Variants in RPL24 observed in about 807,000 individuals in gnomAD.
RPL24 encodes ribosomal protein L24.
A neutral mutation model predicts 26.4 loss-of-function variants in RPL24; 7 were observed. That is an observed-to-expected ratio of 0.27 (90% CI 0.15 to 0.50). The LOEUF (loss-of-function observed/expected upper bound fraction) is 0.50. RPL24 is among the 20% of genes least tolerant of loss of function. The pLI is 0.98. For synonymous variants in RPL24, 67 were observed against 65.2 expected, an observed-to-expected ratio of 1.03 and a Z score of -0.13; for missense variants, 109 against 194.9, an observed-to-expected ratio of 0.56 and a Z score of 2.62.
At chr3:101,682,687 C>G in intron 4 of RPL24, 84 bp downstream of exon 4, 2 of 1,350,330 alleles carry the variant, frequency 1.5e-6, no homozygotes, top group Non-Finnish European at 2.1e-6. Flanking sequence ...ATATATTAAT[C>G]TATATGGTAA....
intron 5 of RPL24, chr3:101,681,443 C>T: frequency 1.9e-6 from 1 of 537,916 alleles, no homozygotes; most frequent in Admixed American, 3.3e-5. Context: ...GAGACACAAC[C>T]AAGTGCAGTG....
chr3:101,685,208 G>C (rs1248776711), intron 3 of RPL24, among the ~76,000 whole-genome samples: 1 of 151,840 alleles, frequency 6.6e-6, no homozygotes, highest in African/African-American at 2.4e-5. Context: ...ACCCTAATAG[G>C]TGTGTCATAT....
chr3:101,681,253 T>G (rs746020976), intron 5 of RPL24, 38 bp from the exon 6 acceptor site: 3 of 1,431,582 alleles, frequency 2.1e-6, no homozygotes, highest in Admixed American at 3.4e-5. Context: ...CACAAAACTT[T>G]TGTTACCCTA....
chr3:101,683,646 CATTT>C (rs1191025651), intron 3 of RPL24, among the ~76,000 whole-genome samples: 1 of 151,234 alleles, frequency 6.6e-6, no homozygotes, highest in Non-Finnish European at 1.5e-5. Flanking sequence ...AACACTTAAA[CATTT>C]TTTTTATTGT....
chr3:101,686,397 G>T, intron 2 of RPL24, 85 bp downstream of exon 2: 1 of 1,173,618 alleles, frequency 8.5e-7, no homozygotes, highest in Non-Finnish European at 1.2e-6. Flanking sequence ...TGGTGATGTG[G>T]GGAATAAACC....
chr3:101,681,402 G>C (rs1196031476), intron 5 of RPL24, 187 bp from the exon 6 acceptor site: 2 of 589,248 alleles, frequency 3.4e-6, no homozygotes, highest in Non-Finnish European at 6.2e-6. Context: ...GAAAGACAAA[G>C]ACTAAGATAC....
At chr3:101,683,077 C>T (rs1937282632) in intron 3 of RPL24, among the ~76,000 whole-genome samples, 170 bp from the exon 4 acceptor site, 1 of 152,104 alleles carries the variant, frequency 6.6e-6, no homozygotes, top group African/African-American at 2.4e-5. Context: ...GGATTAAGCC[C>T]TCTATTACAA....
chr3:101,685,784 G>A lies in RPL24; in HGVS notation c.192+34C>T, dbSNP rs370149260. 6 of 1,236,618 alleles carry A rather than the reference G, an allele frequency of 4.9e-6. No homozygotes were observed. The African/African-American group carries it at 9.0e-5, about 19-fold the overall frequency. The allele number at this position is 1,236,618 out of a possible 1,614,324, so 76.6% of individuals were successfully genotyped here. A position where few individuals can be genotyped will look rare whatever the true frequency, so the allele number is the denominator to read the frequency against. On this transcript the variant is annotated intron_variant, in intron 3 of 5. Coordinates refer to ENST00000394077, the MANE Select transcript of RPL24 (RefSeq NM_000986.4). ...TTCAGAGAGCTTTGACAACTTAAGA[G>A]ATAGCCCCCAACATCAAGGCGTATT...
intron 3 of RPL24, among the ~76,000 whole-genome samples, chr3:101,685,158 C>T (rs1398373017): frequency 6.6e-6 from 1 of 152,070 alleles, no homozygotes; most frequent in African/African-American, 2.4e-5. Flanking sequence ...CCATCCTCAC[C>T]AACACCTGTA....
intron 3 of RPL24, among the ~76,000 whole-genome samples, chr3:101,685,080 G>A (rs1400894689): frequency 6.6e-6 from 1 of 151,750 alleles, no homozygotes; most frequent in Non-Finnish European, 1.5e-5. Context: ...TTACCCTTTT[G>A]AGAAAACACC....
At chr3:101,682,594 C>CG (rs778444151) in intron 4 of RPL24, 102 bp from the exon 5 acceptor site, 6 of 1,138,416 alleles carry the variant, frequency 5.3e-6, no homozygotes, top group East Asian at 4.7e-5. Context: ...GACCATATTC[C>CG]TTCCTTCCCT....
chr3:101,684,119 A>G (rs1475540475), intron 3 of RPL24, among the ~76,000 whole-genome samples: 1 of 151,624 alleles, frequency 6.6e-6, no homozygotes, highest in African/African-American at 2.4e-5. Context: ...TGGGCCTCCC[A>G]AAGTGCTGGA....
At chr3:101,684,790 A>ACC (rs1559993233) in intron 3 of RPL24, among the ~76,000 whole-genome samples, 17 of 141,962 alleles carry the variant, frequency 1.2e-4, no homozygotes, top group East Asian at 4.1e-4. Flanking sequence ...AAAAAAAAAA[A>ACC]AAAAAAAAAA....
chr3:101,682,396 T>C, intron 5 of RPL24, 33 bp downstream of exon 5: 6 of 1,564,940 alleles, frequency 3.8e-6, no homozygotes, highest in Non-Finnish European at 5.3e-6. Flanking sequence ...TCCTGTTGTA[T>C]TGTTCAAGAA....
Position 101,681,112 on chromosome 3 carries a change from A to G in RPL24, c.*23T>C. 13 of 1,545,166 alleles carry G rather than the reference A, an allele frequency of 8.4e-6. No individual in the cohort carries two copies. Among genetic ancestry groups the G allele is most frequent in the Non-Finnish European group, 1.2e-5 (13 of 1,119,554 alleles). On this transcript the variant is annotated 3_prime_UTR_variant, in exon 6 of 6. Transcript: ENST00000394077. ...AACCTAGAGTTATAATCCAATCTTT[A>G]TTTAAAAATCTAATCTGCCAGTTTA... is the stretch of plus-strand genomic sequence containing the variant.
chr3:101,681,283 T>C, intron 5 of RPL24, 68 bp from the exon 6 acceptor site: 1 of 1,055,158 alleles, frequency 9.5e-7, no homozygotes, highest in Non-Finnish European at 1.5e-6. Flanking sequence ...ATCTCTCACA[T>C]CCAGATTGTT....
intron 3 of RPL24, among the ~76,000 whole-genome samples, chr3:101,684,525 T>C (rs1226852322): frequency 6.6e-6 from 1 of 152,074 alleles, no homozygotes; most frequent in Non-Finnish European, 1.5e-5. Context: ...GCGCCTGTAA[T>C]GCCAGTACTT....
rs11558561 is a variant in RPL24, at chr3:101,685,927, A to G, written c.83T>C (p.Val28Ala). 13 of 1,593,620 alleles carry G rather than the reference A, an allele frequency of 8.2e-6. No individual in the cohort carries two copies. Among genetic ancestry groups the G allele is most frequent in the Non-Finnish European group, 1.0e-5 (12 of 1,161,300 alleles). ...GRRYARTDGKVFQFLNAKCES... is the reference protein window; with the variant it reads ...GRRYARTDGKAFQFLNAKCES... ...GCATTTCGCATTAAGAAACTGGAAA[A>G]CCTAGAGTGACAAATGCAAAGGAAT... The change falls in exon 3 of 6, where the codon GTT (valine) becomes GCT (alanine). Residue 28 changes from valine (V) to alanine (A), a missense_variant and splice_region_variant. By Grantham distance (64) the Val-to-Ala change is moderately conservative. This residue lies in a region of RPL24 where 69 missense variants were observed against 96.2 expected (regional missense o/e 0.72). Transcript: ENST00000394077.
At chr3:101,685,429 T>G (rs574170916) in intron 3 of RPL24, among the ~76,000 whole-genome samples, 1 of 152,190 alleles carries the variant, frequency 6.6e-6, no homozygotes, top group African/African-American at 2.4e-5. Context: ...GAAAAACCAC[T>G]GTTTTTCTAG....
Sources: allele counts gnomAD v4.1 joint callset (sites outside exome capture counted in the v4.1 genomes callset), GRCh38; gene constraint gnomAD v4.1.1; regional missense constraint gnomAD v4.1.1; transcripts MANE v1.5; gene names NCBI Gene and HGNC (gene_info 2026-07-23, HGNC 2026-07-21).